The following WASHC3 variants were observed in gnomAD, a reference collection of about 807,000 sequenced individuals.
The protein encoded by WASHC3 is WASH complex subunit CCDC53.
WASHC3 carries 24 observed loss-of-function variants against 26.1 expected under a neutral mutation model. That is an observed-to-expected ratio of 0.92 (90% confidence interval 0.66 to 1.29). WASHC3 has a LOEUF of 1.29. Among genes scored for constraint, WASHC3 ranks in the 50% most tolerant of loss-of-function variants. The pLI is 0.00. For missense variants in WASHC3, 214 were observed against 229.6 expected, an observed-to-expected ratio of 0.93 and a Z score of 0.44; for synonymous variants, 77 against 75.7, an observed-to-expected ratio of 1.02 and a Z score of -0.09.
chr12:102,037,945 G>A (rs1010347962), intron 5 of WASHC3, among the ~76,000 whole-genome samples: 3 of 151,946 alleles, frequency 2.0e-5, no homozygotes, highest in Non-Finnish European at 4.4e-5. Context: ...ACAGGCATGT[G>A]CCACCATGAC....
Position 102,025,956 on chromosome 12 carries a change from A to G in WASHC3, c.500+18T>C. 8 of 1,216,470 alleles carry G rather than the reference A, an allele frequency of 6.6e-6. No individual in the cohort carries two copies. Among genetic ancestry groups the G allele is most frequent in the African/African-American group, 1.5e-5 (1 of 66,312 alleles). The allele number at this position is 1,216,470 out of a possible 1,614,324, so 75.4% of individuals were successfully genotyped here. On this transcript the variant is annotated intron_variant, in intron 6 of 6. Transcript: ENST00000240079. ...AATGTCCTGGCAATAATATCATTAT[A>G]TTAGAAGAATTACTTACTCAAGAAG...
intron 5 of WASHC3, among the ~76,000 whole-genome samples, chr12:102,027,669 G>A (rs901541886): frequency 3.7e-4 from 56 of 151,968 alleles, no homozygotes; most frequent in Admixed American, 2.9e-3. Flanking sequence ...TGGCTATGGC[G>A]GAGAAAATAC....
intron 5 of WASHC3, among the ~76,000 whole-genome samples, chr12:102,029,314 G>A (rs1594354345): frequency 6.6e-6 from 1 of 152,086 alleles, no homozygotes; most frequent in South Asian, 2.1e-4. Context: ...GATTTTTTTT[G>A]GCAAGTGAAA....
At chr12:102,046,898 C>T (rs1362917092) in intron 2 of WASHC3, among the ~76,000 whole-genome samples, 1 of 152,054 alleles carries the variant, frequency 6.6e-6, no homozygotes, top group African/African-American at 2.4e-5. Flanking sequence ...ATATACAATT[C>T]GTCCCAGATT....
At chr12:102,027,060 A>T (rs966669055) in intron 5 of WASHC3, among the ~76,000 whole-genome samples, 7 of 152,204 alleles carry the variant, frequency 4.6e-5, no homozygotes, top group Non-Finnish European at 1.0e-4. Flanking sequence ...TAATTGACAA[A>T]TAATAATTGC....
chr12:102,053,746 T>TA (rs543739480), intron 2 of WASHC3, among the ~76,000 whole-genome samples: 30 of 152,090 alleles, frequency 2.0e-4, no homozygotes, highest in Non-Finnish European at 3.1e-4. Flanking sequence ...AATTATTATT[T>TA]AAAAAATCAA....
chr12:102,020,239 T>C (rs924581216), intron 6 of WASHC3, among the ~76,000 whole-genome samples: 31 of 152,182 alleles, frequency 2.0e-4, no homozygotes, highest in African/African-American at 7.0e-4. Flanking sequence ...GGAAACCCAT[T>C]AGCACTAGGA....
chr12:102,017,066 T>G (rs918698436), intron 6 of WASHC3, among the ~76,000 whole-genome samples: 1 of 152,226 alleles, frequency 6.6e-6, no homozygotes, highest in African/African-American at 2.4e-5. Flanking sequence ...GCTCCATTCA[T>G]GGTAACTGCC....
At chr12:102,062,062 C>T, upstream of WASHC3, 17 of 1,031,246 alleles carry the variant, frequency 1.6e-5, no homozygotes, top group Non-Finnish European at 2.3e-5. Context: ...CCCAAGTGCC[C>T]GCCTCCGGGG....
In WASHC3 at chr12:102,026,020, T is replaced by C. The variant is rs751483372; in HGVS notation, c.454A>G (p.Ile152Val). ...MVQVGVPVMA[I>V]RNKMISEGLD... ...CCTTCTGATATCATTTTGTTTCTTA[T>C]TGCCATCACTGGTACACCCTAAGCA... The change falls in exon 6 of 7, where the codon ATA becomes GTA. Residue 152 changes from isoleucine to valine, a missense_variant. Transcript: ENST00000240079. The C allele has an allele frequency of 3.9e-6, 6 of 1,547,704 alleles. No homozygotes were observed. The Admixed American group carries it at 1.1e-4, about 29-fold the overall frequency.
chr12:102,018,278 T>C (rs1377252050), intron 6 of WASHC3, among the ~76,000 whole-genome samples: 1 of 152,232 alleles, frequency 6.6e-6, no homozygotes, highest in Non-Finnish European at 1.5e-5. Flanking sequence ...AACATGCGTA[T>C]ACAAATATCT....
intron 6 of WASHC3, among the ~76,000 whole-genome samples, chr12:102,025,216 GC>G (rs1459962163): frequency 6.6e-6 from 1 of 152,032 alleles, no homozygotes; most frequent in Non-Finnish European, 1.5e-5. Context: ...GTGAACTACA[GC>G]CCCAAATTGG....
intron 4 of WASHC3, among the ~76,000 whole-genome samples, chr12:102,041,875 T>C (rs1395100189): frequency 2.0e-5 from 3 of 152,064 alleles, no homozygotes; most frequent in Non-Finnish European, 2.9e-5. Flanking sequence ...GCCAGAGATA[T>C]ACCAGGTTAT....
Position 102,013,704 on chromosome 12 carries a change from C to T in WASHC3, c.501-512G>A, listed in dbSNP as rs73382831. Among the ~76,000 whole-genome samples the T allele has an allele frequency of 3.2e-3, 484 of 152,152 alleles. 2 individuals are homozygous for T. The highest frequency in any genetic ancestry group is 0.011 in the African/African-American group (451 of 41,512). ...TTTGTAGCGAAGGAGAGTGCCTGGT[C>T]GAAGAAGGTTCTTAATGTTTGTTAA... On this transcript the variant is annotated intron_variant, in intron 6 of 6. Transcript: ENST00000240079.
intron 6 of WASHC3, among the ~76,000 whole-genome samples, chr12:102,020,746 T>C (rs536012388): frequency 6.6e-6 from 1 of 152,202 alleles, no homozygotes; most frequent in Admixed American, 6.5e-5. Context: ...CATGGTACTG[T>C]TGTCAATTAA....
intron 2 of WASHC3, among the ~76,000 whole-genome samples, chr12:102,056,357 G>A (rs997244482): frequency 1.3e-5 from 2 of 152,150 alleles, no homozygotes; most frequent in African/African-American, 4.8e-5. Context: ...CCACAGTACT[G>A]GAGACCATTG....
intron 5 of WASHC3, among the ~76,000 whole-genome samples, chr12:102,031,136 A>G (rs900000386): frequency 6.6e-6 from 1 of 152,158 alleles, no homozygotes; most frequent in Non-Finnish European, 1.5e-5. Flanking sequence ...TTCACACATG[A>G]TTTCTTTAGA....
chr12:102,025,811 T>C, intron 6 of WASHC3, 163 bp downstream of exon 6: 1 of 575,736 alleles, frequency 1.7e-6, no homozygotes, highest in South Asian at 2.3e-5. Context: ...GAATATGATA[T>C]TTTTCTGTTT....
At chr12:102,026,448 T>G (rs1387153412) in intron 5 of WASHC3, among the ~76,000 whole-genome samples, 1 of 152,186 alleles carries the variant, frequency 6.6e-6, no homozygotes, top group Non-Finnish European at 1.5e-5. Flanking sequence ...CATTCTTAAG[T>G]ATAGCTATAT....
Sources: gnomAD v4.1 joint callset for allele counts (sites outside exome capture counted in the v4.1 genomes callset) on GRCh38, gnomAD v4.1.1 for gene constraint, MANE v1.5 for transcripts, NCBI Gene and HGNC (gene_info 2026-07-23, HGNC 2026-07-21) for gene names.